ADAMDEC1: variants seen among roughly 807,000 people sequenced by gnomAD.
ADAMDEC1 encodes the protein ADAM like decysin 1.
A neutral mutation model predicts 60.4 loss-of-function variants in ADAMDEC1; 62 were observed. The ratio of observed to expected loss-of-function variants is 1.03; its 90% CI spans 0.84 to 1.27. The LOEUF (loss-of-function observed/expected upper bound fraction) is 1.27, where lower values mean the gene tolerates loss of function less well. Ranked by LOEUF, ADAMDEC1 falls within the 50% of genes most tolerant of loss-of-function variation. The pLI, the probability that ADAMDEC1 is intolerant of heterozygous loss-of-function variation, is 0.00. For synonymous variants in ADAMDEC1, 210 were observed against 195.1 expected, an observed-to-expected ratio of 1.08 and a Z score of -0.64; for missense variants, 595 against 565.0, an observed-to-expected ratio of 1.05 and a Z score of -0.54.
At position 24,405,285 on chromosome 8, in the gene ADAMDEC1, C is replaced by G. The variant is rs375881034; in HGVS notation, c.1407-7C>G. On this transcript the variant is annotated splice_polypyrimidine_tract_variant and splice_region_variant and intron_variant, in intron 13 of 13. Transcript: ENST00000256412. The stretch of plus-strand genomic sequence containing the variant: ...TGGCTTCCAAATTTTATTTTTCCTT[C>G]AATCAGAGAGTGAATCCAAAAGTCT... The G allele has an allele frequency of 6.2e-7, 1 of 1,611,788 alleles. No homozygotes were observed. Among genetic ancestry groups the G allele is most frequent in the Non-Finnish European group, 8.5e-7 (1 of 1,178,772 alleles).
rs1434377951 is a variant in ADAMDEC1 at position 24,399,412 on chromosome 8, C to T, written c.949C>T (p.Arg317Ter). ...ATACAGCGGGATTAGCTTCAACAAT[C>T]GACGTGTGGGACTGGCAGCTTCAAA... is the stretch of plus-strand genomic sequence containing the variant. ...QLLSGISFNNRRVGLAASNSL... is the reference protein window; with the variant it reads ...QLLSGISFNN Residue 317 changes from arginine to a stop codon, truncating the protein, a stop_gained, in exon 10 of 14, where the codon CGA (arginine) becomes TGA (stop). Transcript: ENST00000256412. LOFTEE classifies it high-confidence loss of function. 8 of 1,613,728 alleles carry T rather than the reference C, an allele frequency of 5.0e-6. No homozygotes were observed. The highest frequency in any genetic ancestry group is 4.2e-6 in the Non-Finnish European group (5 of 1,179,866).
At chr8:24,390,065 TAGA>T in intron 1 of ADAMDEC1, 1 of 420,390 alleles carries the variant, frequency 2.4e-6, no homozygotes, top group Non-Finnish European at 4.7e-6. Context: ...CATTTCCCAA[TAGA>T]ATGTAAATTT....
intron 13 of ADAMDEC1, among the ~76,000 whole-genome samples, chr8:24,404,890 T>C (rs1817851730): frequency 6.6e-6 from 1 of 152,244 alleles, no homozygotes; most frequent in South Asian, 2.1e-4. Context: ...ACATGAATCA[T>C]GGAATGAATC....
At chr8:24,402,602 T>C (rs1473944681) in intron 12 of ADAMDEC1, among the ~76,000 whole-genome samples, 3 of 152,154 alleles carry the variant, frequency 2.0e-5, no homozygotes, top group Non-Finnish European at 4.4e-5. Context: ...TGCTAATTTA[T>C]ATAAATTAGA....
Position 24,399,333 on chromosome 8 carries a change from A to G in ADAMDEC1, c.930-60A>G, listed in dbSNP as rs1305224680. ...GAGGCAATTCGTTAATGTAATTAAC[A>G]AAAGCTAATGGTTACAAAGACTCAG... On this transcript the variant is annotated intron_variant, in intron 9 of 13. Transcript: ENST00000256412. 7 of 1,521,374 alleles carry G rather than the reference A, an allele frequency of 4.6e-6. No individual in the cohort carries two copies. The African/African-American group carries it at 9.6e-5, about 21-fold the overall frequency. The allele number at this position is 1,521,374 out of a possible 1,614,324, so 94.2% of individuals were successfully genotyped here.
chr8:24,390,600 A>T (rs551314346), intron 1 of ADAMDEC1, among the ~76,000 whole-genome samples: 2 of 152,192 alleles, frequency 1.3e-5, no homozygotes, highest in Admixed American at 1.3e-4. Flanking sequence ...CGCAACTGTA[A>T]TCCCAGCTAC....
intron 4 of ADAMDEC1, among the ~76,000 whole-genome samples, chr8:24,395,064 C>G (rs960247855): frequency 3.3e-5 from 5 of 152,214 alleles, no homozygotes; most frequent in African/African-American, 1.2e-4. Flanking sequence ...TAAGTGGCCC[C>G]TTAACTTTGC....
Position 24,405,643 on chromosome 8 carries a change from T to C in ADAMDEC1, c.*345T>C, listed in dbSNP as rs1817870927. On this transcript the variant is annotated 3_prime_UTR_variant, in exon 14 of 14. Coordinates refer to ENST00000256412, the MANE Select transcript of ADAMDEC1 (RefSeq NM_014479.3). ...ACTATTCAGAGTTAACACTCCAGAA[T>C]TGTTAAATTACAAGTACTATGCTTT... 4.3e-6 allele frequency: 1 copy of C among 230,444 alleles called. No homozygotes were observed. The highest frequency in any genetic ancestry group is 8.3e-6 in the Non-Finnish European group (1 of 119,796). The allele number at this position is 230,444 out of a possible 1,614,324, so 14.3% of individuals were successfully genotyped here.
intron 12 of ADAMDEC1, among the ~76,000 whole-genome samples, chr8:24,403,009 A>G (rs1432914038): frequency 6.6e-6 from 1 of 152,126 alleles, no homozygotes. Context: ...AAGATACTCA[A>G]AACCCTAGGT....
chr8:24,398,921 CTGGTCTGA>C lies in ADAMDEC1; in HGVS notation c.814_821del (p.Ser272GlyfsTer2), dbSNP rs1817686740. ...AAGTGGCCTTGGTAGGTATGGAAATCTGGTCTGATGGGGATAAGATAAAGGTGGTGCCC... is the reference window on the plus strand; with the variant it reads ...AAGTGGCCTTGGTAGGTATGGAAATCTGGGGATAAGATAAAGGTGGTGCCC... On this transcript the variant is annotated frameshift_variant, in exon 9 of 14. Coordinates refer to ENST00000256412, the MANE Select transcript of ADAMDEC1 (RefSeq NM_014479.3). LOFTEE classifies it high-confidence loss of function. 1 of 1,613,824 alleles carries C rather than the reference CTGGTCTGA, an allele frequency of 6.2e-7. No individual in the cohort carries two copies. Among genetic ancestry groups the C allele is most frequent in the African/African-American group, 1.3e-5 (1 of 74,996 alleles).
chr8:24,397,814 C>T lies in ADAMDEC1; in HGVS notation c.690+69C>T, dbSNP rs143629271. The T allele has an allele frequency of 5.4e-4, 791 of 1,456,292 alleles. 6 individuals carry two copies. In the African/African-American group the frequency reaches 9.3e-3, roughly 17 times the overall value. 90.2% of individuals were successfully genotyped at this position (1,456,292 alleles called of 1,614,324 possible). On this transcript the variant is annotated intron_variant, in intron 7 of 13. Coordinates refer to ENST00000256412, the MANE Select transcript of ADAMDEC1 (RefSeq NM_014479.3). ...TTTAAGTTTACTTATCAAGCAAAAG[C>T]AAGCAATAAACTATTTTAGCTAATC... is the stretch of plus-strand genomic sequence containing the variant.
intron 4 of ADAMDEC1, 51 bp from the exon 5 acceptor site, chr8:24,395,669 T>TACAC (rs3830352): frequency 0.036 from 41,004 of 1,140,806 alleles, 468 homozygotes; most frequent in East Asian, 0.13. Flanking sequence ...CACACTCACA[T>TACAC]ACACACACAC....
At chr8:24,397,585 A>G in intron 6 of ADAMDEC1, 98 bp from the exon 7 acceptor site, 1 of 1,458,112 alleles carries the variant, frequency 6.9e-7, no homozygotes, top group Non-Finnish European at 9.4e-7. Flanking sequence ...TTATTTTTCT[A>G]TTTATCTTCT....
intron 11 of ADAMDEC1, 44 bp downstream of exon 11, chr8:24,400,344 C>T: frequency 7.6e-6 from 11 of 1,438,996 alleles, no homozygotes; most frequent in South Asian, 4.1e-5. Flanking sequence ...TTTTCCAAAT[C>T]TTTTTTTTTT....
intron 10 of ADAMDEC1, 68 bp downstream of exon 10, chr8:24,399,542 T>A (rs752385140): frequency 4.2e-5 from 53 of 1,253,406 alleles, no homozygotes; most frequent in Non-Finnish European, 5.6e-5. Context: ...TAACACCTTA[T>A]ATAGAATGAG....
intron 8 of ADAMDEC1, 30 bp from the exon 9 acceptor site, chr8:24,398,843 AT>A (rs1563356407): frequency 1.2e-6 from 2 of 1,605,036 alleles, no homozygotes; most frequent in Middle Eastern, 3.3e-4. Context: ...AATCCTGAAC[AT>A]TTTTATGAAG....
intron 1 of ADAMDEC1, among the ~76,000 whole-genome samples, chr8:24,391,523 AT>A (rs1419475657): frequency 6.6e-6 from 1 of 152,166 alleles, no homozygotes; most frequent in Non-Finnish European, 1.5e-5. Context: ...CTTTTCTACT[AT>A]TTGTAAACAA....
chr8:24,394,202 T>C, intron 4 of ADAMDEC1, 55 bp downstream of exon 4: 1 of 1,396,950 alleles, frequency 7.2e-7, no homozygotes, highest in Non-Finnish European at 1.0e-6. Context: ...TATTAGTTTG[T>C]GCTAATGTTA....
At chr8:24,398,095 CA>C (rs1817663261) in intron 7 of ADAMDEC1, among the ~76,000 whole-genome samples, 7 of 150,424 alleles carry the variant, frequency 4.7e-5, no homozygotes, top group Admixed American at 4.6e-4. Flanking sequence ...AAAATCAACA[CA>C]AAACTCTATA....
Sources: gnomAD v4.1 joint callset for allele counts (sites outside exome capture counted in the v4.1 genomes callset) on GRCh38, gnomAD v4.1.1 for gene constraint, MANE v1.5 for transcripts, NCBI Gene and HGNC (gene_info 2026-07-23, HGNC 2026-07-21) for gene names.